Variants in LTBP1 observed in about 807,000 individuals in gnomAD.
LTBP1 encodes latent transforming growth factor beta binding protein 1.
A neutral mutation model predicts 207.6 loss-of-function variants in LTBP1; 129 were observed. That is an observed-to-expected ratio of 0.62 (90% confidence interval 0.54 to 0.72). The LOEUF is 0.72. Among genes scored for constraint, LTBP1 ranks in the 30% least tolerant of loss-of-function variants. The pLI is 0.00. For synonymous variants in LTBP1, 963 were observed against 833.7 expected (o/e 1.16, Z -2.67); for missense variants, 2,281 against 2,217.2 (o/e 1.03, Z -0.58).
rs1221534697 is a variant in LTBP1 at position 33,252,841 on chromosome 2, A to T, written c.2164A>T (p.Thr722Ser). The T allele has an allele frequency of 6.2e-7, 1 of 1,600,704 alleles. No homozygotes were observed. Residue 722 changes from threonine to serine, a missense_variant, in exon 11 of 34, where the codon ACA becomes TCA. Physicochemically the swap from Thr to Ser is moderately conservative, Grantham distance 58. Around this residue, in one of 3 missense-constraint regions of LTBP1, gnomAD observed 1,671 missense variants for 1,634.8 expected, o/e 1.02. Transcript: ENST00000404816. Reference protein sequence around the residue: ...PHCEKCPLPGTAAFKEICPGG... With the variant: ...PHCEKCPLPGSAAFKEICPGG... ...CTGTGAGAAATGTCCCCTTCCAGGCACAGGTAAGACATGCCCAGCTGTATG... is the reference window on the plus strand; with the variant it reads ...CTGTGAGAAATGTCCCCTTCCAGGCTCAGGTAAGACATGCCCAGCTGTATG...
At chr2:33,166,204 C>T (rs965791232) in intron 5 of LTBP1, among the ~76,000 whole-genome samples, 3 of 151,180 alleles carry the variant, frequency 2.0e-5, no homozygotes, top group Admixed American at 6.6e-5. Flanking sequence ...CATTATATAT[C>T]GGTTAAAAAA....
chr2:33,303,233 A>G (rs571233404), intron 22 of LTBP1, among the ~76,000 whole-genome samples: 11 of 152,134 alleles, frequency 7.2e-5, no homozygotes, highest in Admixed American at 3.3e-4. Context: ...GTGGTCCCCA[A>G]CTTTTTTGGC....
chr2:33,123,652 A>C (rs1156699575), intron 4 of LTBP1, among the ~76,000 whole-genome samples: 1 of 152,234 alleles, frequency 6.6e-6, no homozygotes, highest in Non-Finnish European at 1.5e-5. Flanking sequence ...TGCTGAAGGC[A>C]TTGTGAATTG....
chr2:33,139,309 C>T (rs1193350336), intron 5 of LTBP1, among the ~76,000 whole-genome samples: 1 of 152,160 alleles, frequency 6.6e-6, no homozygotes, highest in Non-Finnish European at 1.5e-5. Context: ...AGTCACAATA[C>T]CTCTGGCTCT....
intron 4 of LTBP1, among the ~76,000 whole-genome samples, chr2:33,118,812 A>G (rs1442516029): frequency 2.0e-5 from 3 of 152,170 alleles, no homozygotes; most frequent in Non-Finnish European, 4.4e-5. Context: ...TCTGAGAGCT[A>G]TTTGATAACA....
chr2:33,222,490 A>G (rs1054167879), intron 9 of LTBP1, among the ~76,000 whole-genome samples: 4 of 152,214 alleles, frequency 2.6e-5, no homozygotes, highest in African/African-American at 7.2e-5. Flanking sequence ...AGGCACCCAC[A>G]TGTACTTAGC....
chr2:33,129,731 C>T (rs528870268), intron 4 of LTBP1, among the ~76,000 whole-genome samples: 11 of 152,272 alleles, frequency 7.2e-5, no homozygotes, highest in Admixed American at 6.5e-4. Context: ...AGGTTTCCAA[C>T]CCGTAATGAC....
At position 33,262,736 on chromosome 2, in the gene LTBP1, G is replaced by A. The variant is rs777404716; in HGVS notation, c.2433G>A (p.Leu811=). 6.3e-7 allele frequency: 1 copy of A among 1,588,686 alleles called. No homozygotes were observed. The highest frequency in any genetic ancestry group is 1.1e-5 in the South Asian group (1 of 87,748). ...TAPPEKEIPS[L]DQEKTKLEPG... ...CAACCATCCAGGAAATACCTTCATTGGATCAAGAGAAAACCAAACTTGAGC... is the reference window on the plus strand; with the variant it reads ...CAACCATCCAGGAAATACCTTCATTAGATCAAGAGAAAACCAAACTTGAGC... Residue 811 remains leucine, a synonymous_variant, in exon 14 of 34, where the codon TTG becomes TTA. Coordinates refer to ENST00000404816, the MANE Select transcript of LTBP1 (RefSeq NM_206943.4).
intron 24 of LTBP1, among the ~76,000 whole-genome samples, chr2:33,333,630 G>A (rs1182838062): frequency 6.6e-6 from 1 of 152,214 alleles, no homozygotes; most frequent in African/African-American, 2.4e-5. Context: ...ACTATTTGCT[G>A]ACATGGTAAA....
intron 2 of LTBP1, among the ~76,000 whole-genome samples, chr2:32,981,160 A>G (rs539539938): frequency 6.6e-6 from 1 of 152,174 alleles, no homozygotes; most frequent in South Asian, 2.1e-4. Flanking sequence ...CTTTGAGTAA[A>G]CTTTCTACCC....
intron 3 of LTBP1, among the ~76,000 whole-genome samples, chr2:33,049,032 C>G (rs1423576027): frequency 6.6e-6 from 1 of 152,050 alleles, no homozygotes; most frequent in Non-Finnish European, 1.5e-5. Flanking sequence ...AGAGGTGATA[C>G]ATTAACAATG....
intron 2 of LTBP1, among the ~76,000 whole-genome samples, chr2:32,991,286 T>A (rs2148855422): frequency 6.6e-6 from 1 of 152,340 alleles, no homozygotes. Flanking sequence ...CAGAATTGGA[T>A]TAATCATACT....
intron 5 of LTBP1, among the ~76,000 whole-genome samples, chr2:33,152,870 ATAAT>A (rs1346335874): frequency 6.6e-6 from 1 of 152,216 alleles, no homozygotes; most frequent in Non-Finnish European, 1.5e-5. Context: ...TCTCTAGCTG[ATAAT>A]TGATTGTGAA....
At chr2:33,155,374 A>G (rs2083892155) in intron 5 of LTBP1, among the ~76,000 whole-genome samples, 2 of 152,162 alleles carry the variant, frequency 1.3e-5, no homozygotes, top group Non-Finnish European at 2.9e-5. Context: ...AGTCTCTAAT[A>G]CAGATTATTA....
chr2:33,153,167 C>T (rs1437353853), intron 5 of LTBP1, among the ~76,000 whole-genome samples: 1 of 152,160 alleles, frequency 6.6e-6, no homozygotes, highest in Non-Finnish European at 1.5e-5. Flanking sequence ...CTTTTTTGGG[C>T]TCTGTTTTCC....
At chr2:32,988,715 AC>A (rs1394934896) in intron 2 of LTBP1, among the ~76,000 whole-genome samples, 6 of 152,152 alleles carry the variant, frequency 3.9e-5, no homozygotes, top group Non-Finnish European at 5.9e-5. Flanking sequence ...AGCCTTTCCC[AC>A]CTTCCACATG....
chr2:32,947,288 G>C lies in LTBP1; in HGVS notation c.-37G>C, dbSNP rs1236685308. On this transcript the variant is annotated 5_prime_UTR_variant, in exon 1 of 34. Transcript: ENST00000404816. Reference sequence around the variant, plus strand: ...GCCGCACGGCCGGGGGAGGGGGCCGGACCGCGCGCGACCGGTCGCGCCCGC... The same window carrying C: ...GCCGCACGGCCGGGGGAGGGGGCCGCACCGCGCGCGACCGGTCGCGCCCGC... 1 of 1,206,130 alleles carries C rather than the reference G, an allele frequency of 8.3e-7. No individual in the cohort carries two copies. The highest frequency in any genetic ancestry group is 1.0e-6 in the Non-Finnish European group (1 of 970,062). 74.7% of individuals were successfully genotyped at this position (1,206,130 alleles called of 1,614,324 possible).
intron 11 of LTBP1, among the ~76,000 whole-genome samples, chr2:33,256,724 C>CTACATATATATATA (rs2092864295): frequency 1.5e-5 from 1 of 68,840 alleles, no homozygotes; most frequent in African/African-American, 6.6e-5. Context: ...GGAGGGCTAA[C>CTACATATATATATA]TATATATATA....
At chr2:32,979,899 C>A (rs79224318) in intron 2 of LTBP1, among the ~76,000 whole-genome samples, 5,956 of 152,156 alleles carry the variant, frequency 0.039, 187 homozygotes, top group Non-Finnish European at 0.066. Flanking sequence ...TCGTTATATT[C>A]TCTTGCTTTA....
Sources: allele counts gnomAD v4.1 joint callset (sites outside exome capture counted in the v4.1 genomes callset), GRCh38; gene constraint gnomAD v4.1.1; regional missense constraint gnomAD v4.1.1; transcripts MANE v1.5; gene names NCBI Gene and HGNC (gene_info 2026-07-23, HGNC 2026-07-21).